The following GIGYF2 variants were observed in gnomAD, a reference collection of about 807,000 sequenced individuals.
GIGYF2 encodes the protein GRB10 interacting GYF protein 2.
A neutral mutation model predicts 208.1 loss-of-function variants in GIGYF2; 25 were observed. The ratio of observed to expected loss-of-function variants is 0.12; its 90% CI spans 0.09 to 0.17. The LOEUF (loss-of-function observed/expected upper bound fraction) is 0.17, where lower values mean the gene tolerates loss of function less well. GIGYF2 is among the 10% of genes least tolerant of loss of function. GIGYF2 has a pLI of 1.00. For missense variants in GIGYF2, 1,302 were observed against 1,579.4 expected (o/e 0.82, Z 2.98); for synonymous variants, 534 against 543.8 (o/e 0.98, Z 0.25).
chr2:232,741,605 A>G (rs1697971363), intron 3 of GIGYF2, among the ~76,000 whole-genome samples: 1 of 151,864 alleles, frequency 6.6e-6, no homozygotes, highest in Non-Finnish European at 1.5e-5. Flanking sequence ...ACCACGCCTG[A>G]CTAATACTTG....
chr2:232,698,053 G>A (rs1695685466), intron 1 of GIGYF2, among the ~76,000 whole-genome samples: 1 of 152,200 alleles, frequency 6.6e-6, no homozygotes, highest in South Asian at 2.1e-4. Context: ...GGACCCAAAT[G>A]TTCACATCAG....
At chr2:232,747,209 T>G (rs962595997) in intron 3 of GIGYF2, among the ~76,000 whole-genome samples, 1 of 152,210 alleles carries the variant, frequency 6.6e-6, no homozygotes, top group Non-Finnish European at 1.5e-5. Context: ...TACTTGAAAG[T>G]TTCCATTGTT....
At chr2:232,760,634 A>G in intron 7 of GIGYF2, 43 bp downstream of exon 7, 2 of 1,318,516 alleles carry the variant, frequency 1.5e-6, no homozygotes, top group South Asian at 1.2e-5. Flanking sequence ...CTTGGCATAT[A>G]AAACTTATAT....
rs557418909 is a variant in GIGYF2, at chr2:232,855,875, C to T, written c.3833-918C>T. ...CAGCCCAGCCTGTCCTTGATACACA[C>T]TCACATCCCATTCTTTTCTCTGATT... On this transcript the variant is annotated intron_variant, in intron 28 of 28. Transcript: ENST00000373563. 2.0e-5 allele frequency among the ~76,000 whole-genome samples: 3 copies of T among 152,238 alleles called. No individual in the cohort carries two copies. The South Asian group carries it at 6.2e-4, about 32-fold the overall frequency.
intron 28 of GIGYF2, among the ~76,000 whole-genome samples, chr2:232,853,633 A>T (rs181595789): frequency 6.6e-6 from 1 of 152,324 alleles, no homozygotes; most frequent in Non-Finnish European, 1.5e-5. Context: ...CTGCACTCAG[A>T]TGTGATAAAC....
chr2:232,711,709 A>ATATATATATATATATATG (rs1696416959), intron 2 of GIGYF2, among the ~76,000 whole-genome samples: 12 of 135,690 alleles, frequency 8.8e-5, no homozygotes, highest in African/African-American at 3.9e-4. Flanking sequence ...AATGATGTAT[A>ATATATATATATATATATG]TATATATATA....
chr2:232,813,017 T>C (rs921189543), intron 18 of GIGYF2, among the ~76,000 whole-genome samples: 1 of 150,208 alleles, frequency 6.7e-6, no homozygotes, highest in Admixed American at 6.6e-5. Flanking sequence ...AAAAAAAAAG[T>C]AATTGGTGTT....
rs990277112 is a variant in GIGYF2, at chr2:232,806,196, A to G, written c.1640-295A>G. 2.0e-5 allele frequency among the ~76,000 whole-genome samples: 3 copies of G among 152,226 alleles called. No homozygotes were observed. Among genetic ancestry groups the G allele is most frequent in the African/African-American group, 7.2e-5 (3 of 41,478 alleles). On this transcript the variant is annotated intron_variant, in intron 14 of 28. Transcript: ENST00000373563. This position sits in a 1 kb window ranked among gnomAD's most constrained non-coding sequence, Gnocchi z 4.0. ...AGTCTAGTAAATAGTTAACTCTTCAATTGTATCATACTTTACTGACACATG... is the reference window on the plus strand; with the variant it reads ...AGTCTAGTAAATAGTTAACTCTTCAGTTGTATCATACTTTACTGACACATG...
chr2:232,725,972 G>A (rs937866058), intron 2 of GIGYF2, among the ~76,000 whole-genome samples: 1 of 152,186 alleles, frequency 6.6e-6, no homozygotes, highest in African/African-American at 2.4e-5. Flanking sequence ...TTTGGAGACC[G>A]GGAGAGCTCA....
chr2:232,848,595 TGCACTCCA>T (rs1156559670), intron 27 of GIGYF2, among the ~76,000 whole-genome samples: 2 of 152,116 alleles, frequency 1.3e-5, no homozygotes, highest in African/African-American at 4.8e-5. Context: ...ATCACACCAC[TGCACTCCA>T]GCCTGGGTGA....
At chr2:232,731,338 T>C (rs1259228873) in intron 2 of GIGYF2, 1 of 152,228 alleles carries the variant, frequency 6.6e-6, no homozygotes, top group Non-Finnish European at 1.5e-5. Flanking sequence ...GAATTTTAGT[T>C]GAGATTTACC....
At chr2:232,716,370 A>ACTTGTT (rs1696676509) in intron 2 of GIGYF2, among the ~76,000 whole-genome samples, 1 of 101,794 alleles carries the variant, frequency 9.8e-6, no homozygotes, top group Admixed American at 1.1e-4. Flanking sequence ...TAATGGTGTT[A>ACTTGTT]TTTGTTTTTT....
At chr2:232,744,911 C>A (rs1698093266) in intron 3 of GIGYF2, among the ~76,000 whole-genome samples, 1 of 152,104 alleles carries the variant, frequency 6.6e-6, no homozygotes, top group African/African-American at 2.4e-5. Flanking sequence ...AGTTGTTTAA[C>A]CCTTCAGCTT....
At chr2:232,797,115 A>G (rs1229988991) in intron 14 of GIGYF2, among the ~76,000 whole-genome samples, 1 of 151,266 alleles carries the variant, frequency 6.6e-6, no homozygotes, top group African/African-American at 2.4e-5. Context: ...TAAAAATGGT[A>G]GAGAACTACT....
rs1700726770 is a variant in GIGYF2 at position 232,811,280 on chromosome 2, A to G, written c.1935A>G (p.Lys645=). 2 of 1,612,770 alleles carry G rather than the reference A, an allele frequency of 1.2e-6. No homozygotes were observed. The highest frequency in any genetic ancestry group is 1.7e-6 in the Non-Finnish European group (2 of 1,178,806). ...CACAGGTTTTGGCCCAACAGCAGAA[A>G]GCAGCACTGTCTTCCCAGCAGCAGC... ...QYAQVLAQQQ[K]AALSSQQQQQ... is the part of the protein sequence containing the mutation. Residue 645 remains lysine, a synonymous_variant, in exon 17 of 29, where the codon AAA becomes AAG. Coordinates refer to ENST00000373563, the MANE Select transcript of GIGYF2 (RefSeq NM_001103146.3).
In GIGYF2 at chr2:232,815,402, A is replaced by G. The variant is rs116642014; in HGVS notation, c.2108-235A>G. Among the ~76,000 whole-genome samples the G allele has an allele frequency of 5.1e-3, 783 of 152,302 alleles. 4 individuals carry two copies. The highest frequency in any genetic ancestry group is 0.018 in the African/African-American group (758 of 41,548). ...AATAGAAACATTATAGGGCTTTGTA[A>G]GGATGAAGTTAATTCCCTGATAAAT... On this transcript the variant is annotated intron_variant, in intron 18 of 28. Transcript: ENST00000373563.
intron 2 of GIGYF2, chr2:232,730,019 CTT>C (rs1697386074): frequency 1.3e-6 from 1 of 798,290 alleles, no homozygotes; most frequent in South Asian, 1.5e-5. Context: ...TTTCGTAAGA[CTT>C]GATGTGATTA....
chr2:232,801,299 C>T (rs1022477515), intron 14 of GIGYF2, among the ~76,000 whole-genome samples: 28 of 151,936 alleles, frequency 1.8e-4, no homozygotes, highest in Admixed American at 1.5e-3. Flanking sequence ...GAGTCTGAGG[C>T]GGGAGGATCA....
chr2:232,813,687 A>C (rs1700812969), intron 18 of GIGYF2, among the ~76,000 whole-genome samples: 1 of 152,120 alleles, frequency 6.6e-6, no homozygotes, highest in South Asian at 2.1e-4. Context: ...CTGACCCCGC[A>C]GATTATTGCA....
Sources: gnomAD v4.1 joint callset for allele counts (sites outside exome capture counted in the v4.1 genomes callset) on GRCh38, gnomAD v4.1.1 for gene constraint, Gnocchi (gnomAD v3.1) non-coding constraint, MANE v1.5 for transcripts, NCBI Gene and HGNC (gene_info 2026-07-23, HGNC 2026-07-21) for gene names.